AP3D1: variants seen among roughly 807,000 people sequenced by gnomAD.
AP3D1 encodes AP-3 complex subunit delta-1.
In AP3D1, 51 loss-of-function variants were observed where a neutral mutation model predicts 147.6. The observed-to-expected ratio is 0.35, with a 90% CI of 0.28 to 0.44. AP3D1 has a LOEUF of 0.44. Ranked by LOEUF, AP3D1 falls within the 20% of genes least tolerant of loss-of-function variation. The probability of loss-of-function intolerance (pLI) is 1.00; values close to 1 mark genes in which losing one functional copy is unlikely to be tolerated. For synonymous variants in AP3D1, 760 were observed against 663.0 expected, an observed-to-expected ratio of 1.15 and a Z score of -2.25; for missense variants, 1,421 against 1,624.2, an observed-to-expected ratio of 0.87 and a Z score of 2.15.
rs777543368 is a variant in AP3D1 at position 2,115,309 on chromosome 19, G to A, written c.2259C>T (p.Gly753=). 3.1e-6 allele frequency: 5 copies of A among 1,612,480 alleles called. No homozygotes were observed. The highest frequency in any genetic ancestry group is 1.1e-5 in the South Asian group (1 of 91,090). The change falls in exon 20 of 32, where the codon GGC becomes GGT. Residue 753 remains glycine, a synonymous_variant. Coordinates refer to ENST00000643116, the MANE Select transcript of AP3D1 (RefSeq NM_001261826.3). ...TGGGCAGCGAGCTGTGGCGGCGCTT[G>A]CCCTTCTTCTCCTTCTCCTTCCTCT... ...RKKRKEKEKK[G]KRRHSSLPTE...
chr19:2,153,330 C>T (rs925119738), upstream of AP3D1, among the ~76,000 whole-genome samples: 2 of 148,968 alleles, frequency 1.3e-5, no homozygotes, highest in Non-Finnish European at 3.0e-5. Flanking sequence ...GCTGAGATTG[C>T]GCCACTGCAC....
chr19:2,109,546 G>T, intron 29 of AP3D1: 1 of 489,806 alleles, frequency 2.0e-6, no homozygotes, highest in Non-Finnish European at 3.7e-6. Flanking sequence ...ACTCAGGGGG[G>T]AGGGGGTGCC....
chr19:2,130,013 C>T lies in AP3D1; in HGVS notation c.592+395G>A, dbSNP rs914187926. ...CTCAGTGAAACTGAATCTGCAGCCG[C>T]GTCCCGCAGTCACCACACCACAAAT... On this transcript the variant is annotated intron_variant, in intron 6 of 31. Transcript: ENST00000643116. Among the ~76,000 whole-genome samples, 4 of 152,218 alleles carry T rather than the reference C, an allele frequency of 2.6e-5. No homozygotes were observed. The East Asian group carries it at 5.8e-4, about 22-fold the overall frequency.
intron 14 of AP3D1, 107 bp downstream of exon 14, chr19:2,120,755 G>T: frequency 8.8e-7 from 1 of 1,140,330 alleles, no homozygotes; most frequent in Non-Finnish European, 1.3e-6. Context: ...CGGCCGGGGT[G>T]GCAGGGCGAT....
chr19:2,114,294 G>T lies in AP3D1; in HGVS notation c.2432C>A (p.Ala811Asp), dbSNP rs1415890571. ...CTGAATAGGCAGTTTCTCGCTGTCG[G>T]CTAAGGGCCTGGAGGAGGAATGACC... The part of the protein sequence containing the change: ...ALDIDLDKPL[A>D]DSEKLPIQKH... The change falls in exon 22 of 32, where the codon GCC becomes GAC. Residue 811 changes from alanine (A) to aspartate (D), a missense_variant. Coordinates refer to ENST00000643116, the MANE Select transcript of AP3D1 (RefSeq NM_001261826.3). 1 of 1,611,096 alleles carries T rather than the reference G, an allele frequency of 6.2e-7. No homozygotes were observed. Among genetic ancestry groups the T allele is most frequent in the African/African-American group, 1.3e-5 (1 of 74,418 alleles).
chr19:2,162,532 G>A (rs959715019), intron 1 of AP3D1, among the ~76,000 whole-genome samples: 2 of 151,394 alleles, frequency 1.3e-5, no homozygotes, highest in South Asian at 2.1e-4. Context: ...GTGGTGACTC[G>A]TGCCTGTAGT....
At chr19:2,113,089 G>T in intron 23 of AP3D1, 122 bp from the exon 24 acceptor site, 1 of 705,612 alleles carries the variant, frequency 1.4e-6, no homozygotes, top group East Asian at 2.8e-5. Context: ...AGAGGCCACA[G>T]TGCCCTCCGA....
In AP3D1 at chr19:2,109,337, T is replaced by G. The variant is rs957982722; in HGVS notation, c.3351-130A>C. ...CCTGTGTGTCTGGGCCGGGAGGTCTTGGGGGTCCTGGAAGGTGTGGCTCAT... is the reference window on the plus strand; with the variant it reads ...CCTGTGTGTCTGGGCCGGGAGGTCTGGGGGGTCCTGGAAGGTGTGGCTCAT... On this transcript the variant is annotated intron_variant, in intron 29 of 31. Transcript: ENST00000643116. The G allele has an allele frequency of 7.1e-6, 9 of 1,261,594 alleles. No individual in the cohort carries two copies. The African/African-American group carries it at 1.4e-4, about 19-fold the overall frequency. The allele number at this position is 1,261,594 out of a possible 1,614,324, so 78.1% of individuals were successfully genotyped here.
Position 2,109,092 on chromosome 19 carries a change from A to G in AP3D1, c.3466T>C (p.Phe1156Leu). Residue 1156 changes from phenylalanine to leucine, a missense_variant, in exon 30 of 32, where the codon TTT becomes CTT. Phe to Leu is a conservative substitution (Grantham distance 22). This residue lies in a region of AP3D1 where 791 missense variants were observed against 761.4 expected (regional missense o/e 1.04). Coordinates refer to ENST00000643116, the MANE Select transcript of AP3D1 (RefSeq NM_001261826.3). ...LLAKICFHHH[F>L]SVVERVDSCA... is the part of the protein sequence containing the mutation. ...AGCCCCTCACTCTCCTTACCGGAAA[A>G]ATGGTGGTGAAAACAGATCTTCGCC... The G allele has an allele frequency of 6.2e-7, 1 of 1,607,668 alleles. No individual in the cohort carries two copies. Among genetic ancestry groups the G allele is most frequent in the South Asian group, 1.1e-5 (1 of 90,022 alleles).
rs148502418 is a variant in AP3D1 at position 2,136,440 on chromosome 19, G to A, written c.354+571C>T. The stretch of plus-strand genomic sequence containing the variant: ...AAAGGGGCCAGCTGCCCATGAAAAG[G>A]GTGGGCCTGATTCTCCAACACCCCA... On this transcript the variant is annotated intron_variant, in intron 4 of 31. Transcript: ENST00000643116. Among the ~76,000 whole-genome samples, 444 of 152,280 alleles carry A rather than the reference G, an allele frequency of 2.9e-3. 1 individual carries two copies. The highest frequency in any genetic ancestry group is 1.0e-2 in the African/African-American group (414 of 41,544).
At position 2,111,005 on chromosome 19, in the gene AP3D1, G is replaced by A. The variant is rs1044196267; in HGVS notation, c.2986-109C>T. The A allele has an allele frequency of 2.4e-6, 3 of 1,268,390 alleles. No individual in the cohort carries two copies. In the African/African-American group the frequency reaches 4.4e-5, roughly 19 times the overall value. 78.6% of individuals were successfully genotyped at this position (1,268,390 alleles called of 1,614,324 possible). A position where few individuals can be genotyped will look rare whatever the true frequency, so the allele number is the denominator to read the frequency against. ...AGGCAGCAGGGGTCCCACAGGCACA[G>A]GAAGGCACGGAGAGGGGCGCCCCCT... is the stretch of plus-strand genomic sequence containing the variant. On this transcript the variant is annotated intron_variant, in intron 26 of 31. Coordinates refer to ENST00000643116, the MANE Select transcript of AP3D1 (RefSeq NM_001261826.3).
chr19:2,110,087 C>G (rs374556619), intron 28 of AP3D1, 49 bp downstream of exon 28: 21 of 1,595,540 alleles, frequency 1.3e-5, no homozygotes, highest in Non-Finnish European at 1.7e-5. Flanking sequence ...GCAGGAGGAG[C>G]CCCTGCCTGC....
chr19:2,126,928 C>A (rs2018773650), intron 9 of AP3D1, among the ~76,000 whole-genome samples: 1 of 152,150 alleles, frequency 6.6e-6, no homozygotes. Context: ...AAGCAAACAC[C>A]CAGCACCAAT....
intron 1 of AP3D1, among the ~76,000 whole-genome samples, chr19:2,147,618 T>C (rs1426588748): frequency 6.6e-6 from 1 of 150,540 alleles, no homozygotes; most frequent in Non-Finnish European, 1.5e-5. Flanking sequence ...ATATATGGGC[T>C]GGGCACAGTG....
intron 20 of AP3D1, 98 bp downstream of exon 20, chr19:2,115,121 C>A (rs1488729089): frequency 7.7e-7 from 1 of 1,306,140 alleles, no homozygotes; most frequent in Non-Finnish European, 1.1e-6. Context: ...TCCCAGCCAC[C>A]AACGAAGACC....
intron 8 of AP3D1, among the ~76,000 whole-genome samples, chr19:2,127,410 T>C (rs2018787097): frequency 6.6e-6 from 1 of 152,198 alleles, no homozygotes; most frequent in African/African-American, 2.4e-5. Context: ...GAGCAATCCC[T>C]CTGCAACTGC....
chr19:2,116,161 G>A lies in AP3D1; in HGVS notation c.2073+46C>T, dbSNP rs199812981. The A allele has an allele frequency of 3.1e-6, 5 of 1,591,094 alleles. No homozygotes were observed. The East Asian group carries it at 8.9e-5, about 28-fold the overall frequency. On this transcript the variant is annotated intron_variant, in intron 18 of 31. Coordinates refer to ENST00000643116, the MANE Select transcript of AP3D1 (RefSeq NM_001261826.3). ...ATGGATGCCGCGGGGCTCGGGTGGT[G>A]AGGGTAGAGGGTGCTGAGGGACAGG...
At chr19:2,155,531 CAAAAAAAA>C (rs60793261), upstream of AP3D1, among the ~76,000 whole-genome samples, 3 of 55,298 alleles carry the variant, frequency 5.4e-5, no homozygotes, top group East Asian at 6.1e-4. Flanking sequence ...GACTCTGTCT[CAAAAAAAA>C]AAAAAAAAAA....
rs781414439 is a variant in AP3D1 at position 2,101,807 on chromosome 19, C to T, written c.*366G>A. The T allele has an allele frequency of 1.6e-5, 4 of 243,510 alleles. No individual in the cohort carries two copies. Among genetic ancestry groups the T allele is most frequent in the Non-Finnish European group, 2.4e-5 (3 of 124,064 alleles). 15.1% of individuals were successfully genotyped at this position (243,510 alleles called of 1,614,324 possible). A position where few individuals can be genotyped will look rare whatever the true frequency, so the allele number is the denominator to read the frequency against. On this transcript the variant is annotated 3_prime_UTR_variant, in exon 32 of 32. Coordinates refer to ENST00000643116, the MANE Select transcript of AP3D1 (RefSeq NM_001261826.3). ...GAGGCCACGTCAGCCCCGCCCTGTC[C>T]ACCAAGTGCCCCTCACGTGGTGCCC... is the stretch of plus-strand genomic sequence containing the variant.
Sources: allele counts gnomAD v4.1 joint callset (sites outside exome capture counted in the v4.1 genomes callset), GRCh38; gene constraint gnomAD v4.1.1; regional missense constraint gnomAD v4.1.1; transcripts MANE v1.5; gene names NCBI Gene and HGNC (gene_info 2026-07-23, HGNC 2026-07-21).